The following WNT3 variants were observed in gnomAD, a reference collection of about 807,000 sequenced individuals.
WNT3 encodes proto-oncogene Wnt-3.
WNT3 carries 7 observed loss-of-function variants against 34.2 expected under a neutral mutation model. That is an observed-to-expected ratio of 0.20 (90% confidence interval 0.12 to 0.38). The LOEUF (loss-of-function observed/expected upper bound fraction) is 0.38, where lower values mean the gene tolerates loss of function less well. Ranked by LOEUF, WNT3 falls within the 10% of genes least tolerant of loss-of-function variation. The probability of loss-of-function intolerance (pLI) is 1.00; values close to 1 mark genes in which losing one functional copy is unlikely to be tolerated. For missense variants in WNT3, 267 were observed against 499.8 expected (o/e 0.53, Z 4.44); for synonymous variants, 212 against 211.5 (o/e 1.00, Z -0.02).
At chr17:46,785,833 G>A (rs2146411100) in intron 1 of WNT3, among the ~76,000 whole-genome samples, 1 of 152,276 alleles carries the variant, frequency 6.6e-6, no homozygotes, top group South Asian at 2.1e-4. Flanking sequence ...ATGTTTCTTT[G>A]GGGAGAAAAG....
chr17:46,817,584 G>A (rs968340271), intron 1 of WNT3, among the ~76,000 whole-genome samples: 3 of 152,092 alleles, frequency 2.0e-5, no homozygotes, highest in Non-Finnish European at 1.5e-5. Flanking sequence ...TGGAGCTGGG[G>A]CTCCCAAAGC....
chr17:46,791,155 C>T (rs531077678), intron 1 of WNT3, among the ~76,000 whole-genome samples: 2 of 152,224 alleles, frequency 1.3e-5, no homozygotes, highest in Admixed American at 1.3e-4. Flanking sequence ...GGGCTCCACA[C>T]CTTCCTTGGT....
intron 1 of WNT3, among the ~76,000 whole-genome samples, chr17:46,800,616 A>C (rs1024344325): frequency 1.3e-5 from 2 of 152,258 alleles, no homozygotes; most frequent in African/African-American, 4.8e-5. Flanking sequence ...GCAGAGCATC[A>C]CAGAGGCAAT....
chr17:46,773,623 T>TGGGG, intron 2 of WNT3, 45 bp downstream of exon 2: 1 of 383,492 alleles, frequency 2.6e-6, no homozygotes, highest in Non-Finnish European at 5.2e-6. Context: ...TCCTGATCCC[T>TGGGG]CCCCCCACCC....
chr17:46,794,749 T>TC (rs1182659952), intron 1 of WNT3, among the ~76,000 whole-genome samples: 5 of 128,762 alleles, frequency 3.9e-5, no homozygotes, highest in African/African-American at 1.2e-4. Flanking sequence ...TTTCTTTCTT[T>TC]TTCTTTTTTT....
At chr17:46,811,893 G>C (rs760369147) in intron 1 of WNT3, among the ~76,000 whole-genome samples, 14 of 152,210 alleles carry the variant, frequency 9.2e-5, no homozygotes, top group Non-Finnish European at 1.9e-4. Flanking sequence ...GGAGGCAGAA[G>C]TTGCAGTGAG....
chr17:46,791,217 CTT>C (rs936253029), intron 1 of WNT3, among the ~76,000 whole-genome samples: 2 of 146,752 alleles, frequency 1.4e-5, no homozygotes. Flanking sequence ...TTTCCTTACT[CTT>C]TTTTTTTTTT....
At chr17:46,783,103 G>T (rs980219068) in intron 1 of WNT3, among the ~76,000 whole-genome samples, 15 of 152,224 alleles carry the variant, frequency 9.9e-5, no homozygotes, top group African/African-American at 3.6e-4. Context: ...GGGGCCCTCT[G>T]GCTCGCCTGC....
At chr17:46,783,108 G>T (rs752036626) in intron 1 of WNT3, among the ~76,000 whole-genome samples, 1 of 152,176 alleles carries the variant, frequency 6.6e-6, no homozygotes, top group Non-Finnish European at 1.5e-5. Context: ...CCTCTGGCTC[G>T]CCTGCATCTC....
In WNT3 at chr17:46,811,506, C is replaced by T. The variant is rs73987050; in HGVS notation, c.80+7012G>A. ...GACAGGCTGCCTAACGCTGAAGAAC[C>T]GGGTTTCAGCCTCTGAGCGCAGGAC... On this transcript the variant is annotated intron_variant, in intron 1 of 4. Coordinates refer to ENST00000225512, the MANE Select transcript of WNT3 (RefSeq NM_030753.5). 2.9e-3 allele frequency among the ~76,000 whole-genome samples: 446 copies of T among 152,268 alleles called. 3 individuals carry two copies. The highest frequency in any genetic ancestry group is 9.4e-3 in the African/African-American group (389 of 41,562).
At chr17:46,782,926 G>A (rs1264659782) in intron 1 of WNT3, among the ~76,000 whole-genome samples, 1 of 152,250 alleles carries the variant, frequency 6.6e-6, no homozygotes, top group East Asian at 1.9e-4. Context: ...AGGGTAGGGG[G>A]TTTCTTCTGA....
intron 4 of WNT3, among the ~76,000 whole-genome samples, chr17:46,766,236 C>T (rs758882700): frequency 6.6e-6 from 1 of 152,004 alleles, no homozygotes; most frequent in Admixed American, 6.6e-5. Flanking sequence ...TGGCGAAACC[C>T]GTCTCTACTA....
chr17:46,789,269 C>T (rs1427508579), intron 1 of WNT3, among the ~76,000 whole-genome samples: 1 of 152,188 alleles, frequency 6.6e-6, no homozygotes, highest in Non-Finnish European at 1.5e-5. Flanking sequence ...CTGGACTGTC[C>T]CATCCACTCT....
intron 1 of WNT3, among the ~76,000 whole-genome samples, chr17:46,791,751 A>ATC (rs780546097): frequency 6.6e-6 from 1 of 152,106 alleles, no homozygotes; most frequent in Admixed American, 6.5e-5. Context: ...AAAAGATAAA[A>ATC]TCTCTCTCTC....
Position 46,768,235 on chromosome 17 carries a change from A to G in WNT3, c.*8+77T>C. The stretch of plus-strand genomic sequence containing the variant: ...AGCTTAGAAACAGAAGGGGGTCGTC[A>G]AGAAGACGAGATGGGCAAACAACCC... On this transcript the variant is annotated intron_variant, in intron 4 of 4. Transcript: ENST00000225512. The surrounding 1 kb of genome is among the most constrained non-coding windows in gnomAD (Gnocchi z 5.0). 6.3e-7 allele frequency: 1 copy of G among 1,593,016 alleles called. No individual in the cohort carries two copies.
chr17:46,782,466 C>T (rs756385973), intron 1 of WNT3, among the ~76,000 whole-genome samples: 2 of 152,110 alleles, frequency 1.3e-5, no homozygotes, highest in Non-Finnish European at 2.9e-5. Flanking sequence ...GTTCCTGGGC[C>T]CAGAAGGGCT....
intron 1 of WNT3, among the ~76,000 whole-genome samples, chr17:46,806,942 G>A (rs1013710631): frequency 5.3e-5 from 8 of 152,186 alleles, no homozygotes; most frequent in African/African-American, 7.2e-5. Context: ...TGGGCACTCC[G>A]TCACCTGTGG....
intron 3 of WNT3, among the ~76,000 whole-genome samples, chr17:46,769,379 TG>T (rs966885527): frequency 6.7e-6 from 1 of 148,690 alleles, no homozygotes; most frequent in African/African-American, 2.5e-5. Flanking sequence ...ATTTAACACA[TG>T]GGGAAACTGA....
At chr17:46,815,267 C>T (rs1205869950) in intron 1 of WNT3, among the ~76,000 whole-genome samples, 2 of 152,134 alleles carry the variant, frequency 1.3e-5, no homozygotes, top group Non-Finnish European at 2.9e-5. Context: ...GCTGTTGTTT[C>T]CTGTCCCGGC....
Sources: gnomAD v4.1 joint callset for allele counts (sites outside exome capture counted in the v4.1 genomes callset) on GRCh38, gnomAD v4.1.1 for gene constraint, Gnocchi (gnomAD v3.1) non-coding constraint, MANE v1.5 for transcripts, NCBI Gene and HGNC (gene_info 2026-07-23, HGNC 2026-07-21) for gene names.